The following TRIM4 variants were observed in gnomAD, a reference collection of about 807,000 sequenced individuals.
The protein encoded by TRIM4 is E3 ubiquitin-protein ligase TRIM4.
A neutral mutation model predicts 33.7 loss-of-function variants in TRIM4; 29 were observed. The observed-to-expected ratio is 0.86, with a 90% confidence interval of 0.64 to 1.17. TRIM4 has a LOEUF of 1.17. Among genes scored for constraint, TRIM4 ranks in the 50% most tolerant of loss-of-function variants. TRIM4 has a pLI of 0.00. For synonymous variants in TRIM4, 224 were observed against 233.0 expected, an observed-to-expected ratio of 0.96 and a Z score of 0.35; for missense variants, 554 against 593.7, an observed-to-expected ratio of 0.93 and a Z score of 0.69.
In TRIM4 at chr7:99,909,574, T is replaced by G. The variant is rs770246153; in HGVS notation, c.480A>C (p.Thr160=). The change falls in exon 2 of 6, where the codon ACA becomes ACC. Residue 160 remains threonine, a synonymous_variant. Coordinates refer to ENST00000349062, the MANE Select transcript of TRIM4 (RefSeq NM_033091.3). The part of the protein sequence containing the change: ...HLQDVEVKNA[T]QWKDKIKSQR... ...CCACTTCTGCCATTACCTTCCACTG[T>G]GTGGCGTTCTTCACTTCTACATCCT... 1.2e-6 allele frequency: 2 copies of G among 1,613,954 alleles called. No individual in the cohort carries two copies. The highest frequency in any genetic ancestry group is 1.7e-6 in the Non-Finnish European group (2 of 1,179,942).
chr7:99,910,934 G>A (rs938120213), intron 1 of TRIM4, among the ~76,000 whole-genome samples: 2 of 152,212 alleles, frequency 1.3e-5, no homozygotes, highest in Non-Finnish European at 2.9e-5. Context: ...GCTGCAGGAG[G>A]AAAGGGTCCA....
chr7:99,903,128 G>A, intron 5 of TRIM4, 90 bp downstream of exon 5: 2 of 939,786 alleles, frequency 2.1e-6, no homozygotes, highest in Non-Finnish European at 3.3e-6. Context: ...TTAGCTGCAT[G>A]CTGTTTCCTC....
intron 5 of TRIM4, among the ~76,000 whole-genome samples, chr7:99,894,615 T>C (rs1818973885): frequency 6.6e-6 from 1 of 150,428 alleles, no homozygotes; most frequent in Non-Finnish European, 1.5e-5. Context: ...TGCAGTAAGC[T>C]GAGATTGCAC....
chr7:99,918,702 T>A (rs771720064), intron 1 of TRIM4, among the ~76,000 whole-genome samples: 1 of 152,188 alleles, frequency 6.6e-6, no homozygotes, highest in Non-Finnish European at 1.5e-5. Flanking sequence ...AAATTACATA[T>A]GTGGTTTCTA....
chr7:99,914,583 T>A (rs572594804), intron 1 of TRIM4, among the ~76,000 whole-genome samples: 1 of 152,328 alleles, frequency 6.6e-6, no homozygotes, highest in Non-Finnish European at 1.5e-5. Context: ...GACCGCTGCC[T>A]ACATCTCGTT....
intron 1 of TRIM4, among the ~76,000 whole-genome samples, chr7:99,917,288 A>T (rs376896164): frequency 4.0e-4 from 61 of 152,360 alleles, no homozygotes; most frequent in Middle Eastern, 3.4e-3. Flanking sequence ...GGCAAATAGT[A>T]AGCATCAATA....
chr7:99,910,341 A>G (rs1819411619), intron 1 of TRIM4, among the ~76,000 whole-genome samples: 1 of 152,234 alleles, frequency 6.6e-6, no homozygotes, highest in Non-Finnish European at 1.5e-5. Context: ...TCTATGCAAC[A>G]AAACACTAGC....
At chr7:99,893,510 C>G (rs1266808850) in intron 5 of TRIM4, among the ~76,000 whole-genome samples, 1 of 152,222 alleles carries the variant, frequency 6.6e-6, no homozygotes, top group African/African-American at 2.4e-5. Context: ...AATCTCCCCA[C>G]AGATCATTCA....
chr7:99,895,608 C>A (rs1044594980), intron 5 of TRIM4, among the ~76,000 whole-genome samples: 1 of 152,132 alleles, frequency 6.6e-6, no homozygotes, highest in Non-Finnish European at 1.5e-5. Flanking sequence ...TGATTTATTG[C>A]CTAATTATTC....
intron 5 of TRIM4, among the ~76,000 whole-genome samples, chr7:99,900,799 G>A (rs1035711273): frequency 6.6e-6 from 1 of 152,164 alleles, no homozygotes; most frequent in East Asian, 1.9e-4. Context: ...CCAATGAGAA[G>A]TGTAATGTCA....
chr7:99,906,206 G>A (rs1008396386), intron 3 of TRIM4, among the ~76,000 whole-genome samples: 1 of 152,168 alleles, frequency 6.6e-6, no homozygotes, highest in Admixed American at 6.5e-5. Flanking sequence ...ACCCTTTGAG[G>A]AGAAGGGAAG....
chr7:99,894,567 T>C (rs924615079), intron 5 of TRIM4, among the ~76,000 whole-genome samples: 2 of 151,628 alleles, frequency 1.3e-5, no homozygotes, highest in Admixed American at 6.6e-5. Flanking sequence ...CTTGGGAGGC[T>C]GAGGCAGGAG....
intron 5 of TRIM4, among the ~76,000 whole-genome samples, chr7:99,894,187 T>C (rs768564777): frequency 6.6e-6 from 1 of 152,218 alleles, no homozygotes; most frequent in Non-Finnish European, 1.5e-5. Context: ...TAGGTATCTA[T>C]GTTCATGAGA....
At chr7:99,917,814 G>A in intron 1 of TRIM4, 1 of 982,948 alleles carries the variant, frequency 1.0e-6, no homozygotes, top group Non-Finnish European at 1.2e-6. Flanking sequence ...TACACCATCA[G>A]TAATGGGAGG....
intron 1 of TRIM4, chr7:99,916,895 A>T (rs1425622144): frequency 4.3e-6 from 3 of 705,476 alleles, no homozygotes; most frequent in Non-Finnish European, 7.8e-6. Context: ...CCTTCATGAT[A>T]AGGCCCTGCC....
intron 5 of TRIM4, among the ~76,000 whole-genome samples, chr7:99,896,253 C>T (rs988469657): frequency 2.0e-5 from 3 of 152,082 alleles, no homozygotes; most frequent in Non-Finnish European, 4.4e-5. Flanking sequence ...ACCCTATGGT[C>T]CAAGTAGAAT....
rs774791061 is a variant in TRIM4, at chr7:99,909,568, C to T, written c.486G>A (p.Trp162Ter). ...QDVEVKNATQWKDKIKSQRMR... is the reference protein window; with the variant it reads ...QDVEVKNATQ ...ATCCAACCACTTCTGCCATTACCTT[C>T]CACTGTGTGGCGTTCTTCACTTCTA... Residue 162 changes from tryptophan (W) to a stop codon, truncating the protein, a stop_gained, in exon 2 of 6, where the codon TGG becomes TGA. Coordinates refer to ENST00000349062, the MANE Select transcript of TRIM4 (RefSeq NM_033091.3). LOFTEE classifies it high-confidence loss of function. The T allele has an allele frequency of 1.7e-4, 275 of 1,613,690 alleles. No individual in the cohort carries two copies. Among genetic ancestry groups the T allele is most frequent in the Non-Finnish European group, 2.2e-4 (263 of 1,179,852 alleles).
rs1818900971 is a variant in TRIM4 at position 99,892,016 on chromosome 7, C to A, written c.*147G>T. 2 of 722,238 alleles carry A rather than the reference C, an allele frequency of 2.8e-6. No individual in the cohort carries two copies. Among genetic ancestry groups the A allele is most frequent in the Admixed American group, 6.4e-5 (2 of 31,338 alleles). 44.7% of individuals were successfully genotyped at this position (722,238 alleles called of 1,614,324 possible). ...ATGGGACTGCCTCTTGTGAAGCACA[C>A]AAAGGGCAGATACCAAACGGTACCG... On this transcript the variant is annotated 3_prime_UTR_variant, in exon 6 of 6. Transcript: ENST00000349062.
At chr7:99,917,364 TAGTC>T (rs1305503007) in intron 1 of TRIM4, among the ~76,000 whole-genome samples, 1 of 152,244 alleles carries the variant, frequency 6.6e-6, no homozygotes, top group Non-Finnish European at 1.5e-5. Flanking sequence ...TTCCTGTTCA[TAGTC>T]AGCTGGTACA....
Sources: allele counts gnomAD v4.1 joint callset (sites outside exome capture counted in the v4.1 genomes callset), GRCh38; gene constraint gnomAD v4.1.1; transcripts MANE v1.5; gene names NCBI Gene and HGNC (gene_info 2026-07-23, HGNC 2026-07-21).